CAPN13: variants seen among roughly 807,000 people sequenced by gnomAD.
The protein encoded by CAPN13 is calpain 13.
CAPN13 carries 90 observed loss-of-function variants against 98.4 expected under a neutral mutation model. That is an observed-to-expected ratio of 0.92 (90% CI 0.77 to 1.09). The LOEUF (loss-of-function observed/expected upper bound fraction) is 1.09. Among genes scored for constraint, CAPN13 ranks in the 50% least tolerant of loss-of-function variants. The probability of loss-of-function intolerance (pLI) is 0.00; values close to 1 mark genes in which losing one functional copy is unlikely to be tolerated. For synonymous variants in CAPN13, 330 were observed against 305.5 expected (o/e 1.08, Z -0.84); for missense variants, 887 against 841.3 (o/e 1.05, Z -0.67).
rs1014844116 is a variant in CAPN13 at position 30,804,472 on chromosome 2, G to C, written c.-33+2830C>G. Among the ~76,000 whole-genome samples, 8 of 152,274 alleles carry C rather than the reference G, an allele frequency of 5.3e-5. No individual in the cohort carries two copies. In the South Asian group the frequency reaches 1.5e-3, roughly 28 times the overall value. ...CCCACCTCGGCCTCCCAAAGTGCTG[G>C]GATTACAGGCGTGAACAGAGCCTTT... On this transcript the variant is annotated intron_variant, in intron 1 of 22. Coordinates refer to ENST00000295055, the MANE Select transcript of CAPN13 (RefSeq NM_144575.3).
chr2:30,802,054 C>T (rs1488535400), intron 1 of CAPN13, among the ~76,000 whole-genome samples: 1 of 152,156 alleles, frequency 6.6e-6, no homozygotes, highest in African/African-American at 2.4e-5. Context: ...GACCCCTGGC[C>T]CGGTTACCTG....
intron 1 of CAPN13, among the ~76,000 whole-genome samples, chr2:30,789,506 G>A (rs1674496199): frequency 6.6e-6 from 1 of 152,056 alleles, no homozygotes; most frequent in Non-Finnish European, 1.5e-5. Flanking sequence ...TTCTCCTTTG[G>A]AATCATACAA....
intron 20 of CAPN13, 32 bp downstream of exon 20, chr2:30,732,394 CGGTCACTGCCAA>C: frequency 6.2e-7 from 1 of 1,609,334 alleles, no homozygotes; most frequent in Non-Finnish European, 8.5e-7. Context: ...CTGTGTTCTT[CGGTCACTGCCAA>C]GGTCTCTGGG....
rs774642902 is a variant in CAPN13, at chr2:30,758,070, T to G, written c.842A>C (p.Glu281Ala). ...CCCATCACTCCAGCGCCCTCTCCAT[T>G]CGGCCTCGCCCCAGCCCCAGGGGTT... ...LWNPWGWGEA[E>A]WRGRWSDGSQ... Residue 281 changes from glutamate to alanine, a missense_variant, in exon 8 of 23, where the codon GAA (glutamate) becomes GCA (alanine). Physicochemically the swap from Glu to Ala is moderately radical, Grantham distance 107. Coordinates refer to ENST00000295055, the MANE Select transcript of CAPN13 (RefSeq NM_144575.3). 3.1e-6 allele frequency: 5 copies of G among 1,611,426 alleles called. No homozygotes were observed. Among genetic ancestry groups the G allele is most frequent in the Admixed American group, 3.4e-5 (2 of 59,674 alleles).
intron 1 of CAPN13, among the ~76,000 whole-genome samples, chr2:30,804,694 C>T (rs1295725125): frequency 2.6e-5 from 4 of 152,160 alleles, no homozygotes; most frequent in African/African-American, 4.8e-5. Context: ...TCAACACCTC[C>T]TCTTGATTCT....
At chr2:30,777,429 TG>T in intron 3 of CAPN13, 137 bp downstream of exon 3, 1 of 708,058 alleles carries the variant, frequency 1.4e-6, no homozygotes. Flanking sequence ...GCTGCAGGAC[TG>T]GGCGTGAGCA....
chr2:30,804,069 A>G (rs1385582847), intron 1 of CAPN13, among the ~76,000 whole-genome samples: 1 of 152,214 alleles, frequency 6.6e-6, no homozygotes, highest in East Asian at 1.9e-4. Flanking sequence ...AGTGGAGGAG[A>G]GTGCCCTGAG....
intron 19 of CAPN13, among the ~76,000 whole-genome samples, chr2:30,733,624 G>T (rs1671211604): frequency 6.6e-6 from 1 of 152,022 alleles, no homozygotes; most frequent in African/African-American, 2.4e-5. Context: ...GCTTTAACGA[G>T]CCCTGAAGAG....
At chr2:30,776,090 G>A (rs765979582) in intron 3 of CAPN13, 45 bp from the exon 4 acceptor site, 1 of 1,301,886 alleles carries the variant, frequency 7.7e-7, no homozygotes, top group South Asian at 1.3e-5. Flanking sequence ...GACACACTTG[G>A]AAACCCTCCC....
At chr2:30,782,304 T>C (rs1674026578) in intron 2 of CAPN13, among the ~76,000 whole-genome samples, 1 of 152,228 alleles carries the variant, frequency 6.6e-6, no homozygotes, top group African/African-American at 2.4e-5. Flanking sequence ...ATCTTAGTAT[T>C]CGGCCTTTTC....
chr2:30,793,755 G>C (rs534648040), intron 1 of CAPN13, among the ~76,000 whole-genome samples: 22 of 151,936 alleles, frequency 1.4e-4, no homozygotes, highest in Non-Finnish European at 1.6e-4. Flanking sequence ...GAAGGGTAGA[G>C]AATCTAGAAT....
chr2:30,743,920 T>C (rs192004620), intron 12 of CAPN13, among the ~76,000 whole-genome samples: 1 of 152,354 alleles, frequency 6.6e-6, no homozygotes, highest in Non-Finnish European at 1.5e-5. Context: ...CTGATTTTCT[T>C]CTGGGGCCCC....
In CAPN13 at chr2:30,787,250, C is replaced by T. The variant is rs868453676; in HGVS notation, c.76G>A (p.Asp26Asn). The change falls in exon 2 of 23, where the codon GAT (aspartate) becomes AAT (asparagine). Residue 26 changes from aspartate (D) to asparagine (N), a missense_variant. Asp to Asn is a conservative substitution (Grantham distance 23, BLOSUM62 1). Transcript: ENST00000295055. Reference protein sequence around the residue: ...FKDQDFTTLRDHCLSMGRTFK... With the variant: ...FKDQDFTTLRNHCLSMGRTFK... ...GTCCGGCCCATGCTCAGGCAGTGATCCCGCAAGGTGGTAAAGTCCTGGTCT... is the reference window on the plus strand; with the variant it reads ...GTCCGGCCCATGCTCAGGCAGTGATTCCGCAAGGTGGTAAAGTCCTGGTCT... 2 of 1,612,924 alleles carry T rather than the reference C, an allele frequency of 1.2e-6. No homozygotes were observed. The highest frequency in any genetic ancestry group is 1.7e-5 in the Admixed American group (1 of 59,910).
chr2:30,781,844 G>A (rs1426962728), intron 2 of CAPN13, among the ~76,000 whole-genome samples: 1 of 152,038 alleles, frequency 6.6e-6, no homozygotes, highest in Non-Finnish European at 1.5e-5. Context: ...ATGTTAATGA[G>A]ATATATACTA....
intron 7 of CAPN13, 142 bp downstream of exon 7, chr2:30,762,940 G>A: frequency 3.4e-6 from 2 of 594,704 alleles, no homozygotes; most frequent in South Asian, 2.6e-5. Context: ...TGTCCATGGT[G>A]CATGTCACCA....
intron 15 of CAPN13, among the ~76,000 whole-genome samples, chr2:30,739,962 T>C (rs1671566717): frequency 1.3e-5 from 2 of 152,198 alleles, no homozygotes; most frequent in Admixed American, 6.5e-5. Context: ...TGGATAGACC[T>C]AGCTCATCCC....
intron 8 of CAPN13, among the ~76,000 whole-genome samples, chr2:30,755,085 C>T (rs191459670): frequency 6.6e-6 from 1 of 152,048 alleles, no homozygotes; most frequent in Non-Finnish European, 1.5e-5. Flanking sequence ...CTCTTGAATT[C>T]TACTCTCCAG....
chr2:30,749,465 C>G (rs1435995173), intron 11 of CAPN13, among the ~76,000 whole-genome samples: 2 of 152,212 alleles, frequency 1.3e-5, no homozygotes, highest in Non-Finnish European at 2.9e-5. Context: ...CTGGGGTACC[C>G]AGGAGCCGTG....
chr2:30,747,197 G>C (rs913193547), intron 11 of CAPN13, among the ~76,000 whole-genome samples: 1 of 152,204 alleles, frequency 6.6e-6, no homozygotes, highest in Non-Finnish European at 1.5e-5. Context: ...GGTTTGCAAA[G>C]CACTTTTATG....
Sources: allele counts gnomAD v4.1 joint callset (sites outside exome capture counted in the v4.1 genomes callset), GRCh38; gene constraint gnomAD v4.1.1; transcripts MANE v1.5; gene names NCBI Gene and HGNC (gene_info 2026-07-23, HGNC 2026-07-21).